The following ERBB4 variants were observed in gnomAD, a reference collection of about 807,000 sequenced individuals.
The protein encoded by ERBB4 is receptor tyrosine-protein kinase erbB-4.
In ERBB4, 42 loss-of-function variants were observed where a neutral mutation model predicts 158.0. That is an observed-to-expected ratio of 0.27 (90% CI 0.21 to 0.34). ERBB4 has a LOEUF of 0.34. ERBB4 is among the 10% of genes least tolerant of loss of function. ERBB4 has a pLI of 1.00. For missense variants in ERBB4, 1,333 were observed against 1,624.1 expected (o/e 0.82, Z 3.08); for synonymous variants, 583 against 558.7 (o/e 1.04, Z -0.61).
chr2:212,061,180 A>C (rs1180434761), intron 2 of ERBB4, among the ~76,000 whole-genome samples: 2 of 151,684 alleles, frequency 1.3e-5, no homozygotes, highest in Non-Finnish European at 2.9e-5. Context: ...ATGGAGGCCC[A>C]GTGCAGTGGT....
intron 1 of ERBB4, among the ~76,000 whole-genome samples, chr2:212,343,305 TGAGA>T (rs1409789426): frequency 6.6e-6 from 1 of 152,102 alleles, no homozygotes; most frequent in Non-Finnish European, 1.5e-5. Flanking sequence ...AAGTCAATGC[TGAGA>T]GAGAGAAACA....
At chr2:212,025,871 C>G (rs2076761059) in intron 2 of ERBB4, among the ~76,000 whole-genome samples, 1 of 151,616 alleles carries the variant, frequency 6.6e-6, no homozygotes, top group Non-Finnish European at 1.5e-5. Context: ...AAATAAAGAA[C>G]TTTATTTTCT....
Position 212,419,921 on chromosome 2 carries a change from G to T in ERBB4, c.82+118528C>A, listed in dbSNP as rs1347101127. On this transcript the variant is annotated intron_variant, in intron 1 of 27. Transcript: ENST00000342788. ...CTACTTTAAAATATAATCTCTACTT[G>T]TTTACACTATTTTCCTCAATGTATT... 2.0e-5 allele frequency among the ~76,000 whole-genome samples: 3 copies of T among 151,704 alleles called. No homozygotes were observed. The East Asian group carries it at 5.8e-4, about 29-fold the overall frequency.
At chr2:211,861,545 C>T (rs2078056043) in intron 3 of ERBB4, among the ~76,000 whole-genome samples, 1 of 151,510 alleles carries the variant, frequency 6.6e-6, no homozygotes, top group Admixed American at 6.6e-5. Context: ...TTGAATATTG[C>T]CATTAACAAT....
intron 2 of ERBB4, among the ~76,000 whole-genome samples, chr2:212,072,926 T>A (rs535286465): frequency 6.6e-6 from 1 of 150,466 alleles, no homozygotes; most frequent in East Asian, 1.9e-4. Flanking sequence ...TATTGTTTCA[T>A]GAAAGCACAC....
At chr2:212,297,917 G>T (rs1344752656) in intron 1 of ERBB4, among the ~76,000 whole-genome samples, 1 of 151,578 alleles carries the variant, frequency 6.6e-6, no homozygotes. Flanking sequence ...TTTGAATTTT[G>T]AAATAAAGTA....
intron 1 of ERBB4, among the ~76,000 whole-genome samples, chr2:212,340,220 C>T (rs957081409): frequency 1.3e-5 from 2 of 151,882 alleles, no homozygotes; most frequent in Non-Finnish European, 2.9e-5. Context: ...ATTCCAAATA[C>T]TCCATGATCT....
At chr2:212,007,203 T>A (rs2076279416) in intron 2 of ERBB4, among the ~76,000 whole-genome samples, 1 of 151,992 alleles carries the variant, frequency 6.6e-6, no homozygotes, top group Non-Finnish European at 1.5e-5. Context: ...GAACTGATGA[T>A]AAATCTGTTT....
At chr2:212,196,826 A>C (rs1340172586) in intron 1 of ERBB4, among the ~76,000 whole-genome samples, 2 of 152,138 alleles carry the variant, frequency 1.3e-5, no homozygotes, top group Non-Finnish European at 2.9e-5. Context: ...AGTATGAAGT[A>C]TTTTGTTATT....
chr2:211,993,714 T>G (rs1378508341), intron 2 of ERBB4, among the ~76,000 whole-genome samples: 15 of 151,732 alleles, frequency 9.9e-5, no homozygotes, highest in Non-Finnish European at 1.8e-4. Context: ...CGGTTATCTA[T>G]TACAGGCAGA....
chr2:211,468,152 T>C (rs764671817), intron 20 of ERBB4, among the ~76,000 whole-genome samples: 1 of 152,032 alleles, frequency 6.6e-6, no homozygotes, highest in East Asian at 1.9e-4. Context: ...ATTTTGGAGA[T>C]ACTAAAGAGA....
chr2:212,170,405 T>G (rs1007262687), intron 1 of ERBB4, among the ~76,000 whole-genome samples: 1 of 152,148 alleles, frequency 6.6e-6, no homozygotes, highest in Non-Finnish European at 1.5e-5. Context: ...AGCCTGATGA[T>G]GCAATAGAAA....
intron 4 of ERBB4, among the ~76,000 whole-genome samples, chr2:211,751,246 C>T (rs1376457984): frequency 6.6e-6 from 1 of 152,098 alleles, no homozygotes. Flanking sequence ...TTAATATATA[C>T]TTCTAAAATG....
intron 1 of ERBB4, among the ~76,000 whole-genome samples, chr2:212,210,213 CAA>C (rs58137267): frequency 0.2 from 26,758 of 135,022 alleles, 2,812 homozygotes; most frequent in Non-Finnish European, 0.27. Context: ...AATGCTAGTG[CAA>C]AAAAAAAAAA....
At chr2:212,298,361 A>G (rs554448788) in intron 1 of ERBB4, among the ~76,000 whole-genome samples, 1 of 151,916 alleles carries the variant, frequency 6.6e-6, no homozygotes, top group Non-Finnish European at 1.5e-5. Flanking sequence ...TAAAAATTGC[A>G]TATTTGCTAT....
At chr2:211,419,656 T>TTTGA (rs1361834177) in intron 25 of ERBB4, among the ~76,000 whole-genome samples, 3 of 152,100 alleles carry the variant, frequency 2.0e-5, no homozygotes, top group African/African-American at 4.8e-5. Flanking sequence ...TGTATGATTC[T>TTTGA]TTGATTAAGG....
chr2:212,250,755 G>A (rs1407648391), intron 1 of ERBB4, among the ~76,000 whole-genome samples: 2 of 151,428 alleles, frequency 1.3e-5, no homozygotes. Flanking sequence ...GTTGTTTTCT[G>A]TTTTTAGTCA....
At chr2:212,152,853 A>C (rs2080914818) in intron 1 of ERBB4, among the ~76,000 whole-genome samples, 1 of 152,190 alleles carries the variant, frequency 6.6e-6, no homozygotes, top group African/African-American at 2.4e-5. Flanking sequence ...ATGCTGAGTT[A>C]TGACATGATC....
chr2:211,573,708 A>G (rs1182674926), intron 19 of ERBB4, among the ~76,000 whole-genome samples: 5 of 140,874 alleles, frequency 3.5e-5, no homozygotes, highest in Non-Finnish European at 5.9e-5. Flanking sequence ...AGAAAATATT[A>G]AAAAAAAATG....
Sources: allele counts gnomAD v4.1 joint callset (sites outside exome capture counted in the v4.1 genomes callset), GRCh38; gene constraint gnomAD v4.1.1; transcripts MANE v1.5; gene names NCBI Gene and HGNC (gene_info 2026-07-23, HGNC 2026-07-21).